The following ABCB5 variants were observed in gnomAD, a reference collection of about 807,000 sequenced individuals.
The protein encoded by ABCB5 is ATP binding cassette subfamily B member 5.
Under a neutral mutation model 144.2 loss-of-function variants are expected in ABCB5, and 155 were observed. That is an observed-to-expected ratio of 1.08 (90% confidence interval 0.94 to 1.23). The LOEUF (loss-of-function observed/expected upper bound fraction) is 1.23. Ranked by LOEUF, ABCB5 falls within the 50% of genes most tolerant of loss-of-function variation. The probability of loss-of-function intolerance (pLI) is 0.00; values close to 1 mark genes in which losing one functional copy is unlikely to be tolerated. For missense variants in ABCB5, 1,830 were observed against 1,520.8 expected (o/e 1.20, Z -3.38); for synonymous variants, 610 against 528.6 (o/e 1.15, Z -2.11).
At chr7:20,645,224 T>C (rs1784375634) in intron 7 of ABCB5, among the ~76,000 whole-genome samples, 1 of 152,214 alleles carries the variant, frequency 6.6e-6, no homozygotes, top group Non-Finnish European at 1.5e-5. Flanking sequence ...TGCCAGGTGG[T>C]GTTTCCCCTC....
Position 20,717,883 on chromosome 7 carries a change from C to CTTTTTTTTTTTTTTTTTT in ABCB5, c.2422-5114_2422-5097dup, listed in dbSNP as rs574592723. 4.6e-5 allele frequency among the ~76,000 whole-genome samples: 2 copies of CTTTTTTTTTTTTTTTTTT among 43,208 alleles called. 1 individual carries two copies. Among genetic ancestry groups the CTTTTTTTTTTTTTTTTTT allele is most frequent in the African/African-American group, 1.5e-4 (2 of 13,624 alleles). 28.3% of individuals were successfully genotyped at this position (43,208 alleles called of 152,430 possible). A position where few individuals can be genotyped will look rare whatever the true frequency, so the allele number is the denominator to read the frequency against. On this transcript the variant is annotated intron_variant, in intron 20 of 27. Coordinates refer to ENST00000404938, the MANE Select transcript of ABCB5 (RefSeq NM_001163941.2). ...AATACGGTAACATTCTTGTAACATT[C>CTTTTTTTTTTTTTTTTTT]TTTTTTTTTTTTTTTTTTTTTTTTT...
chr7:20,724,199 CTTAT>C (rs10642660), intron 21 of ABCB5, among the ~76,000 whole-genome samples: 2 of 149,332 alleles, frequency 1.3e-5, no homozygotes, highest in African/African-American at 2.5e-5. Flanking sequence ...TTTTTCTTGT[CTTAT>C]TTATTTATTT....
At chr7:20,630,257 A>G (rs1784010308) in intron 4 of ABCB5, among the ~76,000 whole-genome samples, 1 of 152,198 alleles carries the variant, frequency 6.6e-6, no homozygotes. Context: ...ATAACTCATT[A>G]CAACCCAGAC....
chr7:20,668,715 G>C, intron 14 of ABCB5, among the ~76,000 whole-genome samples: 1 of 144,906 alleles, frequency 6.9e-6, no homozygotes, highest in African/African-American at 2.6e-5. Flanking sequence ...CCGTCCAGGA[G>C]GGAGGTGGGG....
At chr7:20,649,694 T>A (rs1240402248) in intron 11 of ABCB5, among the ~76,000 whole-genome samples, 1 of 152,236 alleles carries the variant, frequency 6.6e-6, no homozygotes, top group African/African-American at 2.4e-5. Context: ...CTCATTTACT[T>A]GTTACAAATT....
chr7:20,689,980 G>T (rs1347197356), intron 16 of ABCB5, among the ~76,000 whole-genome samples: 1 of 152,156 alleles, frequency 6.6e-6, no homozygotes, highest in Non-Finnish European at 1.5e-5. Context: ...TGAGGGACCG[G>T]TTCATGCAGG....
At chr7:20,639,626 T>A (rs1371769742) in intron 5 of ABCB5, among the ~76,000 whole-genome samples, 1 of 152,210 alleles carries the variant, frequency 6.6e-6, no homozygotes, top group Non-Finnish European at 1.5e-5. Context: ...TAAATTGCCT[T>A]GGCACCTTTG....
intron 20 of ABCB5, among the ~76,000 whole-genome samples, chr7:20,721,328 A>G (rs1781860759): frequency 6.6e-6 from 1 of 152,168 alleles, no homozygotes; most frequent in South Asian, 2.1e-4. Context: ...TTGTTTCCTC[A>G]TCTATTGTAC....
intron 12 of ABCB5, 111 bp downstream of exon 12, chr7:20,650,258 C>A (rs1193064087): frequency 3.7e-6 from 5 of 1,365,582 alleles, no homozygotes; most frequent in African/African-American, 1.5e-5. Context: ...GGGAGAGAAG[C>A]CATATTGTTT....
chr7:20,642,667 C>G (rs1784319505), intron 5 of ABCB5, among the ~76,000 whole-genome samples: 1 of 152,128 alleles, frequency 6.6e-6, no homozygotes, highest in Non-Finnish European at 1.5e-5. Context: ...CTTATCTGAT[C>G]TCCTCCTGTA....
intron 20 of ABCB5, among the ~76,000 whole-genome samples, chr7:20,712,213 G>A (rs112711422): frequency 0.52 from 2,710 of 5,258 alleles, 174 homozygotes; most frequent in Middle Eastern, 0.55. Context: ...CTGTCTTCTC[G>A]TTTGATTTTT....
In ABCB5 at chr7:20,628,722, T is replaced by A. The variant is rs1783964492; in HGVS notation, c.143T>A (p.Met48Lys). Residue 48 changes from methionine to lysine, a missense_variant, in exon 4 of 28, where the codon ATG (methionine) becomes AAG (lysine). Met to Lys is a moderately conservative substitution (Grantham distance 95, BLOSUM62 -1). Transcript: ENST00000404938. ...GCTGATGGACTGGACATCACACTCA[T>A]GATCCTGGGTATACTGGCATCACTG... is the stretch of plus-strand genomic sequence containing the variant. Reference protein sequence around the residue: ...RFADGLDITLMILGILASLVN... With the variant: ...RFADGLDITLKILGILASLVN... The A allele has an allele frequency of 1.2e-6, 2 of 1,613,394 alleles. No homozygotes were observed. Among genetic ancestry groups the A allele is most frequent in the Admixed American group, 1.7e-5 (1 of 59,880 alleles).
intron 9 of ABCB5, 124 bp from the exon 10 acceptor site, chr7:20,647,411 A>G (rs1784436869): frequency 1.4e-6 from 2 of 1,390,290 alleles, no homozygotes; most frequent in Non-Finnish European, 1.9e-6. Context: ...CATATCTTCC[A>G]TTCTTTCTTA....
intron 26 of ABCB5, among the ~76,000 whole-genome samples, chr7:20,751,373 A>G (rs1015767428): frequency 2.6e-5 from 4 of 152,220 alleles, no homozygotes; most frequent in African/African-American, 9.6e-5. Flanking sequence ...TGGGAGGCTG[A>G]GGCAGGAGAA....
intron 14 of ABCB5, among the ~76,000 whole-genome samples, chr7:20,668,858 AG>A (rs1785338337): frequency 1.7e-5 from 2 of 114,790 alleles, no homozygotes; most frequent in Non-Finnish European, 3.4e-5. Context: ...TGGGGGGGTC[AG>A]CCCCCCGCCC....
chr7:20,626,744 T>A, intron 3 of ABCB5, 133 bp downstream of exon 3: 1 of 751,086 alleles, frequency 1.3e-6, no homozygotes, highest in African/African-American at 1.8e-5. Context: ...TTCATTAAAG[T>A]ATGATTTTCG....
intron 7 of ABCB5, among the ~76,000 whole-genome samples, chr7:20,644,209 C>T (rs1784355796): frequency 6.6e-6 from 1 of 152,002 alleles, no homozygotes; most frequent in African/African-American, 2.4e-5. Context: ...TCTCAGATCC[C>T]AAGTAGCTGG....
intron 9 of ABCB5, 32 bp downstream of exon 9, chr7:20,646,170 C>G (rs760565535): frequency 6.3e-7 from 1 of 1,575,406 alleles, no homozygotes; most frequent in African/African-American, 1.4e-5. Context: ...GGTGTCAGGC[C>G]TGGATAATCT....
At chr7:20,709,983 G>C (rs1176322230) in intron 20 of ABCB5, among the ~76,000 whole-genome samples, 1 of 148,136 alleles carries the variant, frequency 6.8e-6, no homozygotes, top group Non-Finnish European at 1.5e-5. Flanking sequence ...GCTGAAGGAA[G>C]AGAATCGCTT....
Sources: allele counts gnomAD v4.1 joint callset (sites outside exome capture counted in the v4.1 genomes callset), GRCh38; gene constraint gnomAD v4.1.1; transcripts MANE v1.5; gene names NCBI Gene and HGNC (gene_info 2026-07-23, HGNC 2026-07-21).